HEG1: variants seen among roughly 807,000 people sequenced by gnomAD.
HEG1 encodes the protein protein HEG homolog 1.
In HEG1, 56 loss-of-function variants were observed where a neutral mutation model predicts 125.6. The observed-to-expected ratio is 0.45, with a 90% CI of 0.36 to 0.56. The LOEUF (loss-of-function observed/expected upper bound fraction) is 0.56. HEG1 is among the 20% of genes least tolerant of loss of function. The pLI is 0.00. For synonymous variants in HEG1, 644 were observed against 668.5 expected, an observed-to-expected ratio of 0.96 and a Z score of 0.57; for missense variants, 1,523 against 1,670.0, an observed-to-expected ratio of 0.91 and a Z score of 1.53.
Position 125,055,722 on chromosome 3 carries a change from C to CCAGCTG in HEG1, c.163_168dup (p.Gln55_Leu56dup), listed in dbSNP as rs1410908194. ...GGCGGCTCGCGCTCCGGGCGGCGCT[C>CCAGCTG]CAGCTGCAGCTCCAGCCCCGCTCCC... On this transcript the variant is annotated inframe_insertion, in exon 1 of 17. Transcript: ENST00000311127. 90 of 1,053,692 alleles carry CCAGCTG rather than the reference C, an allele frequency of 8.5e-5. No homozygotes were observed. The highest frequency in any genetic ancestry group is 9.7e-5 in the Non-Finnish European group (85 of 876,278). The allele number at this position is 1,053,692 out of a possible 1,614,324, so 65.3% of individuals were successfully genotyped here.
chr3:125,034,582 G>T (rs921512984), intron 1 of HEG1, among the ~76,000 whole-genome samples: 1 of 152,140 alleles, frequency 6.6e-6, no homozygotes, highest in Non-Finnish European at 1.5e-5. Context: ...AGGATCACTT[G>T]AGCCCACGAG....
In HEG1 at chr3:125,013,361, G is replaced by A; in HGVS notation, c.2218C>T (p.Gln740Ter). The A allele has an allele frequency of 6.2e-7, 1 of 1,614,026 alleles. No individual in the cohort carries two copies. Among genetic ancestry groups the A allele is most frequent in the South Asian group, 1.1e-5 (1 of 91,086 alleles). Reference protein sequence around the residue: ...PLSVSQTTLPQSSSTPVLPRA... With the variant: ...PLSVSQTTLP ...GGCAGGACAGGGGTAGAAGATGACT[G>A]TGGCAAGGTTGTTTGTGAGACAGAA... The change falls in exon 6 of 17, where the codon CAG (glutamine) becomes TAG (stop). Residue 740 changes from glutamine to a stop codon, truncating the protein, a stop_gained. Transcript: ENST00000311127. LOFTEE classifies it high-confidence loss of function.
chr3:125,040,780 A>G (rs549014309), intron 1 of HEG1, among the ~76,000 whole-genome samples: 15 of 152,044 alleles, frequency 9.9e-5, no homozygotes, highest in Non-Finnish European at 1.6e-4. Flanking sequence ...GGATGGCCAC[A>G]GACTGAAGAG....
Position 125,012,763 on chromosome 3 carries a change from G to A in HEG1, c.2816C>T (p.Pro939Leu), listed in dbSNP as rs1560024811. 2 of 1,614,044 alleles carry A rather than the reference G, an allele frequency of 1.2e-6. No homozygotes were observed. Among genetic ancestry groups the A allele is most frequent in the East Asian group, 4.5e-5 (2 of 44,880 alleles). ...TKLGVTAEYSPASRSLGTSPS... is the reference protein window; with the variant it reads ...TKLGVTAEYSLASRSLGTSPS... The stretch of plus-strand genomic sequence containing the variant: ...AGATGTTCCGAGGGAACGTGAAGCT[G>A]GGCTGTACTCTGCTGTAACGCCAAG... Residue 939 changes from proline (P) to leucine (L), a missense_variant, in exon 6 of 17, where the codon CCA becomes CTA. Pro to Leu is a moderately conservative substitution (Grantham distance 98). Coordinates refer to ENST00000311127, the MANE Select transcript of HEG1 (RefSeq NM_020733.2).
At position 125,027,261 on chromosome 3, in the gene HEG1, G is replaced by T. The variant is rs1331630568; in HGVS notation, c.857C>A (p.Ser286Tyr). ...RKRNSSGPDL[S>Y]WLHFYRTAAS... ...TGCTGTCCTGTAGAAATGCAGCCAG[G>T]AGAGATCTGGTCCTGAGGAATTTCT... The change falls in exon 3 of 17, where the codon TCC (serine) becomes TAC (tyrosine). Residue 286 changes from serine to tyrosine, a missense_variant. Physicochemically the swap from Ser to Tyr is moderately radical, Grantham distance 144 (BLOSUM62 -2). Coordinates refer to ENST00000311127, the MANE Select transcript of HEG1 (RefSeq NM_020733.2). 1.2e-6 allele frequency: 2 copies of T among 1,612,808 alleles called. No homozygotes were observed. The highest frequency in any genetic ancestry group is 2.2e-5 in the East Asian group (1 of 44,888).
Position 125,012,715 on chromosome 3 carries a change from A to T in HEG1, c.2864T>A (p.Val955Asp). 1.2e-6 allele frequency: 2 copies of T among 1,613,994 alleles called. No individual in the cohort carries two copies. The highest frequency in any genetic ancestry group is 1.7e-6 in the Non-Finnish European group (2 of 1,179,880). The change falls in exon 6 of 17, where the codon GTT becomes GAT. Residue 955 changes from valine (V) to aspartate (D), a missense_variant. Physicochemically the swap from Val to Asp is radical, Grantham distance 152. Coordinates refer to ENST00000311127, the MANE Select transcript of HEG1 (RefSeq NM_020733.2). Reference sequence around the variant, plus strand: ...GGGAGCCAAGTCTTCAGCCGTGGAAACAACTGTGGTTTGGGGAGAAGGAGA... The same window carrying T: ...GGGAGCCAAGTCTTCAGCCGTGGAATCAACTGTGGTTTGGGGAGAAGGAGA... ...GTSPSPQTTV[V>D]STAEDLAPKS...
At chr3:125,030,623 A>C (rs185069644) in intron 1 of HEG1, among the ~76,000 whole-genome samples, 94 of 152,336 alleles carry the variant, frequency 6.2e-4, no homozygotes, top group African/African-American at 2.2e-3. Flanking sequence ...TTTTGTGAAA[A>C]ATAATAATAA....
At chr3:124,982,274 G>C (rs62267133) in intron 14 of HEG1, among the ~76,000 whole-genome samples, 50,545 of 152,116 alleles carry the variant, frequency 0.33, 8,919 homozygotes, top group East Asian at 0.48. Context: ...ATATCCCCCA[G>C]AGATCTTCTT....
chr3:124,983,164 C>T (rs6763492), intron 14 of HEG1, among the ~76,000 whole-genome samples: 1 of 151,972 alleles, frequency 6.6e-6, no homozygotes, highest in Admixed American at 6.6e-5. Context: ...CTTAGGCTAG[C>T]TGGGCTCACT....
intron 11 of HEG1, among the ~76,000 whole-genome samples, chr3:124,999,313 T>C (rs919660637): frequency 6.6e-6 from 1 of 152,206 alleles, no homozygotes; most frequent in African/African-American, 2.4e-5. Flanking sequence ...AAATTAAAAA[T>C]GGAAAATCTC....
rs1936340060 is a variant in HEG1 at position 124,967,597 on chromosome 3, G to A, written c.*3055C>T. On this transcript the variant is annotated 3_prime_UTR_variant, in exon 17 of 17. Coordinates refer to ENST00000311127, the MANE Select transcript of HEG1 (RefSeq NM_020733.2). ...TTTGATATTTAAGGTATACAGGATG[G>A]TGAGGGGTGTGCCAGGACAGTAAGG... 2 of 152,006 alleles carry A rather than the reference G, an allele frequency of 1.3e-5. No homozygotes were observed. Among genetic ancestry groups the A allele is most frequent in the East Asian group, 1.9e-4 (1 of 5,192 alleles). 9.4% of individuals were successfully genotyped at this position (152,006 alleles called of 1,614,324 possible).
At chr3:125,022,425 G>GAGAC (rs1937348736) in intron 3 of HEG1, among the ~76,000 whole-genome samples, 1 of 149,258 alleles carries the variant, frequency 6.7e-6, no homozygotes, top group Non-Finnish European at 1.5e-5. Context: ...GAGAGAGAGA[G>GAGAC]CATGCATGGG....
At chr3:125,024,236 T>C (rs1387040594) in intron 3 of HEG1, among the ~76,000 whole-genome samples, 1 of 152,208 alleles carries the variant, frequency 6.6e-6, no homozygotes, top group East Asian at 1.9e-4. Context: ...CAACATTTCT[T>C]ATATAAACAG....
At chr3:125,046,588 A>G (rs931921206) in intron 1 of HEG1, among the ~76,000 whole-genome samples, 10 of 152,164 alleles carry the variant, frequency 6.6e-5, no homozygotes, top group Admixed American at 6.5e-4. Flanking sequence ...CTAGTTTTCA[A>G]TAGAGCCTGC....
chr3:124,987,950 CACAT>C (rs564976334), intron 14 of HEG1, among the ~76,000 whole-genome samples: 956 of 83,924 alleles, frequency 0.011, 42 homozygotes, highest in Non-Finnish European at 0.019. Context: ...CACACACACA[CACAT>C]ATATATATAT....
At chr3:125,050,903 G>C (rs1937791209) in intron 1 of HEG1, among the ~76,000 whole-genome samples, 1 of 152,262 alleles carries the variant, frequency 6.6e-6, no homozygotes, top group Non-Finnish European at 1.5e-5. Flanking sequence ...TGAATGGTGA[G>C]TGGGTAGAAG....
chr3:124,987,722 G>A (rs1414500050), intron 14 of HEG1, among the ~76,000 whole-genome samples: 1 of 150,538 alleles, frequency 6.6e-6, no homozygotes, highest in African/African-American at 2.4e-5. Flanking sequence ...GGGTTTCACC[G>A]TGTTAGCCAG....
At chr3:125,055,476 G>C (rs572828538) in intron 1 of HEG1, 99 bp downstream of exon 1, 1 of 833,930 alleles carries the variant, frequency 1.2e-6, no homozygotes, top group African/African-American at 1.8e-5. Flanking sequence ...ACCCTGGGTC[G>C]CGCCGCGCGG....
In HEG1 at chr3:124,977,893, T is replaced by C. The variant is rs375027372; in HGVS notation, c.3787A>G (p.Ile1263Val). The change falls in exon 15 of 17, where the codon ATC (isoleucine) becomes GTC (valine). Residue 1263 changes from isoleucine to valine, a missense_variant. By Grantham distance (29) the Ile-to-Val change is conservative. Coordinates refer to ENST00000311127, the MANE Select transcript of HEG1 (RefSeq NM_020733.2). The stretch of plus-strand genomic sequence containing the variant: ...GTAACAATCAGTGCGATGCCTAGGA[T>C]GAGCAGGAGCCCACCTCCCGCGGCT... ...IAAAGGGLLL[I>V]LGIALIVTCC... is the part of the protein sequence containing the mutation. The C allele has an allele frequency of 3.2e-6, 5 of 1,579,912 alleles. No homozygotes were observed. Among genetic ancestry groups the C allele is most frequent in the Non-Finnish European group, 4.3e-6 (5 of 1,162,918 alleles).
Sources: gnomAD v4.1 joint callset for allele counts (sites outside exome capture counted in the v4.1 genomes callset) on GRCh38, gnomAD v4.1.1 for gene constraint, MANE v1.5 for transcripts, NCBI Gene and HGNC (gene_info 2026-07-23, HGNC 2026-07-21) for gene names.